OPCML: variants seen among roughly 807,000 people sequenced by gnomAD.
The protein encoded by OPCML is opioid binding protein/cell adhesion molecule like.
Under a neutral mutation model 37.8 loss-of-function variants are expected in OPCML, and 13 were observed. The observed-to-expected ratio is 0.34, with a 90% CI of 0.22 to 0.55. The LOEUF is 0.55. Ranked by LOEUF, OPCML falls within the 20% of genes least tolerant of loss-of-function variation. The pLI is 0.91. For synonymous variants in OPCML, 176 were observed against 168.8 expected (o/e 1.04, Z -0.33); for missense variants, 341 against 435.6 (o/e 0.78, Z 1.93).
At position 132,799,006 on chromosome 11, in the gene OPCML, G is replaced by A. The variant is rs538067072; in HGVS notation, c.147-141687C>T. ...CTCTGTTGTTCCATTTGTAGAGCACGGGCAGAGTAGATTTAGCATAAATCT... is the reference window on the plus strand; with the variant it reads ...CTCTGTTGTTCCATTTGTAGAGCACAGGCAGAGTAGATTTAGCATAAATCT... On this transcript the variant is annotated intron_variant, in intron 2 of 7. Coordinates refer to ENST00000524381, the MANE Select transcript of OPCML (RefSeq NM_001012393.5). 9.5e-4 allele frequency among the ~76,000 whole-genome samples: 145 copies of A among 152,108 alleles called. No homozygotes were observed. The South Asian group carries it at 0.011, about 12-fold the overall frequency.
intron 4 of OPCML, among the ~76,000 whole-genome samples, chr11:132,454,499 CT>C (rs1428709604): frequency 1.1e-4 from 16 of 152,196 alleles, no homozygotes; most frequent in Non-Finnish European, 2.9e-5. Context: ...GTAACAGCCC[CT>C]CTACTGCGGA....
At chr11:133,290,012 T>C (rs1224201050) in intron 1 of OPCML, among the ~76,000 whole-genome samples, 1 of 152,160 alleles carries the variant, frequency 6.6e-6, no homozygotes, top group African/African-American at 2.4e-5. Context: ...AGAGAACCCT[T>C]TTCCCAGTGG....
intron 1 of OPCML, among the ~76,000 whole-genome samples, chr11:133,146,410 G>A (rs1949898031): frequency 6.6e-6 from 1 of 151,500 alleles, no homozygotes; most frequent in African/African-American, 2.4e-5. Flanking sequence ...TGCCTCCCGG[G>A]TTCAAGAGAT....
At chr11:133,371,316 C>T (rs190423036) in intron 1 of OPCML, among the ~76,000 whole-genome samples, 4 of 152,250 alleles carry the variant, frequency 2.6e-5, no homozygotes, top group East Asian at 3.9e-4. Flanking sequence ...GGGTATTTAT[C>T]CAAAGGAAAA....
intron 1 of OPCML, among the ~76,000 whole-genome samples, chr11:133,462,007 T>C (rs1946871832): frequency 6.6e-6 from 1 of 151,436 alleles, no homozygotes; most frequent in Non-Finnish European, 1.5e-5. Flanking sequence ...TAAACAAGAG[T>C]GTCATGACCA....
chr11:133,177,809 G>A lies in OPCML; in HGVS notation c.62-234799C>T, dbSNP rs936175385. On this transcript the variant is annotated intron_variant, in intron 1 of 7. Transcript: ENST00000524381. The surrounding 1 kb of genome is among the most constrained non-coding windows in gnomAD (Gnocchi z 5.0). ...AATGGCTCCAAAATTTGATATCAAA[G>A]CATCAAATTAAACATTCAAGATCAC... 6.6e-6 allele frequency among the ~76,000 whole-genome samples: 1 copy of A among 152,084 alleles called. No individual in the cohort carries two copies. Among genetic ancestry groups the A allele is most frequent in the Non-Finnish European group, 1.5e-5 (1 of 68,012 alleles).
intron 2 of OPCML, among the ~76,000 whole-genome samples, chr11:132,728,352 G>T (rs565528651): frequency 2.0e-5 from 3 of 152,314 alleles, no homozygotes; most frequent in African/African-American, 7.2e-5. Flanking sequence ...ACTCACTGGG[G>T]AATCTGAGGC....
At chr11:133,483,670 T>C (rs897831579) in intron 1 of OPCML, among the ~76,000 whole-genome samples, 2 of 140,286 alleles carry the variant, frequency 1.4e-5, no homozygotes, top group Non-Finnish European at 1.5e-5. Flanking sequence ...ATTAGATAAA[T>C]AGATGATAGA....
chr11:132,659,340 A>G (rs1941851646), intron 2 of OPCML, among the ~76,000 whole-genome samples: 1 of 152,210 alleles, frequency 6.6e-6, no homozygotes, highest in East Asian at 1.9e-4. Context: ...GATAAGGGGA[A>G]ATATGCAACC....
At chr11:133,227,405 T>C (rs960423056) in intron 1 of OPCML, among the ~76,000 whole-genome samples, 6 of 152,170 alleles carry the variant, frequency 3.9e-5, no homozygotes, top group South Asian at 4.1e-4. Flanking sequence ...ATTCCAGTAA[T>C]AGGGCGGTGT....
At chr11:132,837,625 A>C (rs935329742) in intron 2 of OPCML, among the ~76,000 whole-genome samples, 1 of 152,224 alleles carries the variant, frequency 6.6e-6, no homozygotes, top group Non-Finnish European at 1.5e-5. Flanking sequence ...ATACATACAA[A>C]GGTGTGCAGG....
intron 1 of OPCML, among the ~76,000 whole-genome samples, chr11:133,057,243 A>G (rs991905438): frequency 5.3e-5 from 8 of 152,234 alleles, no homozygotes; most frequent in Non-Finnish European, 1.2e-4. Flanking sequence ...ACTTGGCTCC[A>G]GAGTCTAAGG....
chr11:133,127,764 AG>A (rs1949539510), intron 1 of OPCML, among the ~76,000 whole-genome samples: 1 of 152,190 alleles, frequency 6.6e-6, no homozygotes, highest in South Asian at 2.1e-4. Context: ...CTAATTAAGA[AG>A]AAAAAAAGAA....
intron 2 of OPCML, among the ~76,000 whole-genome samples, chr11:132,691,298 A>G (rs1266593181): frequency 2.6e-5 from 4 of 152,222 alleles, no homozygotes. Flanking sequence ...CTCCCATTGC[A>G]TGGCTATTCA....
At chr11:132,730,696 G>T (rs924141287) in intron 2 of OPCML, among the ~76,000 whole-genome samples, 16 of 152,108 alleles carry the variant, frequency 1.1e-4, no homozygotes, top group African/African-American at 3.9e-4. Flanking sequence ...AAATCAGCTG[G>T]AAATGTGAGT....
intron 1 of OPCML, among the ~76,000 whole-genome samples, chr11:133,243,547 T>C (rs917816598): frequency 1.3e-5 from 2 of 152,126 alleles, no homozygotes; most frequent in African/African-American, 4.8e-5. Context: ...GCATCTGCTT[T>C]AAGAAAATGA....
intron 2 of OPCML, among the ~76,000 whole-genome samples, chr11:132,912,409 C>A (rs1944455864): frequency 6.6e-6 from 1 of 152,178 alleles, no homozygotes; most frequent in African/African-American, 2.4e-5. Context: ...CTTTCCACCT[C>A]TTGGTTATGA....
chr11:133,163,207 A>G (rs2137222806), intron 1 of OPCML, among the ~76,000 whole-genome samples: 1 of 152,326 alleles, frequency 6.6e-6, no homozygotes, highest in South Asian at 2.1e-4. Context: ...AGCTGGACAG[A>G]AGCTGAGCAT....
At chr11:132,989,090 G>A (rs1006819141) in intron 1 of OPCML, among the ~76,000 whole-genome samples, 7 of 152,204 alleles carry the variant, frequency 4.6e-5, no homozygotes, top group South Asian at 2.1e-4. Flanking sequence ...GCTGGTGAGA[G>A]GATAAGGTGC....
Sources: allele counts gnomAD v4.1 joint callset (sites outside exome capture counted in the v4.1 genomes callset), GRCh38; gene constraint gnomAD v4.1.1; non-coding constraint Gnocchi (gnomAD v3.1); transcripts MANE v1.5; gene names NCBI Gene and HGNC (gene_info 2026-07-23, HGNC 2026-07-21).